Variants in LAMA2 observed in about 807,000 individuals in gnomAD.
LAMA2 encodes the protein laminin subunit alpha 2.
In LAMA2, 269 loss-of-function variants were observed where a neutral mutation model predicts 364.8. The observed-to-expected ratio is 0.74, with a 90% CI of 0.67 to 0.82. The LOEUF (loss-of-function observed/expected upper bound fraction) is 0.82, where lower values mean the gene tolerates loss of function less well. LAMA2 is among the 40% of genes least tolerant of loss of function. The pLI, the probability that LAMA2 is intolerant of heterozygous loss-of-function variation, is 0.00. For synonymous variants in LAMA2, 1,379 were observed against 1,370.6 expected (o/e 1.01, Z -0.14); for missense variants, 3,807 against 3,873.2 (o/e 0.98, Z 0.45).
intron 54 of LAMA2, among the ~76,000 whole-genome samples, chr6:129,479,312 C>T (rs941831283): frequency 1.3e-5 from 2 of 152,114 alleles, no homozygotes; most frequent in Non-Finnish European, 2.9e-5. Context: ...TAGACTGGGA[C>T]CTGTGGCAAT....
intron 1 of LAMA2, among the ~76,000 whole-genome samples, chr6:129,022,957 G>C (rs1036630416): frequency 2.0e-5 from 3 of 152,000 alleles, no homozygotes; most frequent in African/African-American, 7.3e-5. Context: ...GTTATATCAG[G>C]GCCCCACTCC....
intron 29 of LAMA2, among the ~76,000 whole-genome samples, chr6:129,331,828 C>G (rs1482993632): frequency 2.0e-5 from 3 of 152,140 alleles, no homozygotes; most frequent in Non-Finnish European, 4.4e-5. Context: ...CTCTTCTATA[C>G]TGGATTCAAT....
intron 2 of LAMA2, among the ~76,000 whole-genome samples, chr6:129,054,495 C>T (rs1331451404): frequency 2.6e-5 from 4 of 151,930 alleles, no homozygotes; most frequent in Admixed American, 6.6e-5. Context: ...GGGGCATGAA[C>T]GGAGTTGTGG....
intron 1 of LAMA2, among the ~76,000 whole-genome samples, chr6:129,027,788 A>G (rs1156542124): frequency 1.3e-5 from 2 of 151,938 alleles, no homozygotes; most frequent in Non-Finnish European, 2.9e-5. Context: ...AGAGTGAGAT[A>G]AGGAAATAAT....
At chr6:129,201,746 A>T (rs541672846) in intron 12 of LAMA2, among the ~76,000 whole-genome samples, 27 of 152,338 alleles carry the variant, frequency 1.8e-4, no homozygotes, top group African/African-American at 6.5e-4. Flanking sequence ...ACTACCAGGT[A>T]CATAAACAAG....
At chr6:128,917,661 CTT>C (rs1392177570) in intron 1 of LAMA2, among the ~76,000 whole-genome samples, 3 of 146,620 alleles carry the variant, frequency 2.0e-5, no homozygotes, top group African/African-American at 7.6e-5. Flanking sequence ...AACTTTTTCT[CTT>C]TATTTTATAC....
intron 35 of LAMA2, among the ~76,000 whole-genome samples, chr6:129,385,353 G>A (rs1466333305): frequency 6.6e-6 from 1 of 150,676 alleles, no homozygotes; most frequent in African/African-American, 2.4e-5. Flanking sequence ...AAGAAAGGGA[G>A]GGACGGAAGG....
At chr6:129,493,590 A>C (rs1045290387) in intron 58 of LAMA2, among the ~76,000 whole-genome samples, 5 of 152,220 alleles carry the variant, frequency 3.3e-5, no homozygotes, top group Non-Finnish European at 5.9e-5. Flanking sequence ...AATGACTCAC[A>C]TATACTGAAC....
At chr6:129,157,658 G>C (rs1779194650) in intron 8 of LAMA2, 3 of 1,612,230 alleles carry the variant, frequency 1.9e-6, no homozygotes, top group Non-Finnish European at 2.5e-6. Context: ...ATTCATCACT[G>C]TTCCACCGAT....
At chr6:128,890,595 T>C (rs1776397800) in intron 1 of LAMA2, among the ~76,000 whole-genome samples, 1 of 151,750 alleles carries the variant, frequency 6.6e-6, no homozygotes, top group African/African-American at 2.4e-5. Flanking sequence ...TGTAGACATA[T>C]ACACACATGT....
At chr6:129,393,020 A>G (rs766716707) in intron 36 of LAMA2, 25 bp from the exon 37 acceptor site, 10 of 1,594,906 alleles carry the variant, frequency 6.3e-6, no homozygotes, top group East Asian at 4.5e-5. Flanking sequence ...CTCATTGTCT[A>G]TTATTGGGCT....
intron 4 of LAMA2, among the ~76,000 whole-genome samples, chr6:129,132,315 C>T (rs1272106266): frequency 3.9e-5 from 6 of 152,000 alleles, no homozygotes; most frequent in African/African-American, 7.3e-5. Context: ...TACAGGCGCC[C>T]GCCACCACGC....
chr6:129,352,468 C>T lies in LAMA2; in HGVS notation c.4524-696C>T, dbSNP rs77596163. 8.9e-3 allele frequency among the ~76,000 whole-genome samples: 1,351 copies of T among 152,204 alleles called. 21 individuals are homozygous for T. Among genetic ancestry groups the T allele is most frequent in the African/African-American group, 0.031 (1,299 of 41,522 alleles). ...AAAATCCATCTTGAGGAAGATATGG[C>T]AAAAAGAAAAGATGAATAAAAGTAA... On this transcript the variant is annotated intron_variant, in intron 31 of 64. Transcript: ENST00000421865.
chr6:129,188,826 C>A (rs2115031652), intron 10 of LAMA2, among the ~76,000 whole-genome samples: 1 of 152,012 alleles, frequency 6.6e-6, no homozygotes, highest in Admixed American at 6.6e-5. Context: ...TTTGTTTATT[C>A]TTAAATTTTT....
intron 53 of LAMA2, among the ~76,000 whole-genome samples, chr6:129,477,734 G>C (rs1784140909): frequency 6.6e-6 from 1 of 152,078 alleles, no homozygotes; most frequent in African/African-American, 2.4e-5. Context: ...TTCTAATGTA[G>C]AATACAGACT....
chr6:129,464,144 T>C, intron 49 of LAMA2, 146 bp from the exon 50 acceptor site: 2 of 732,952 alleles, frequency 2.7e-6, no homozygotes, highest in Non-Finnish European at 4.8e-6. Context: ...GCAGTAGAGA[T>C]GGAGATAAGT....
intron 35 of LAMA2, among the ~76,000 whole-genome samples, chr6:129,387,515 G>A (rs2114663968): frequency 6.6e-6 from 1 of 152,262 alleles, no homozygotes. Context: ...CAAGGATCCA[G>A]AACCAGAAAT....
At chr6:128,926,768 C>A (rs1779126673) in intron 1 of LAMA2, among the ~76,000 whole-genome samples, 1 of 152,108 alleles carries the variant, frequency 6.6e-6, no homozygotes. Context: ...ACCACTTTTC[C>A]AATTAGGAAT....
Position 129,125,467 on chromosome 6 carries a change from A to G in LAMA2, c.640-18434A>G, listed in dbSNP as rs1777058537. Among the ~76,000 whole-genome samples, 2 of 152,208 alleles carry G rather than the reference A, an allele frequency of 1.3e-5. 1 individual carries two copies. The highest frequency in any genetic ancestry group is 4.1e-4 in the South Asian group (2 of 4,834). ...TAAGGAACATCTACCTTTAGAGGTCAGAGAGATGAAGTAGAGCTTGTAAAA... is the reference window on the plus strand; with the variant it reads ...TAAGGAACATCTACCTTTAGAGGTCGGAGAGATGAAGTAGAGCTTGTAAAA... On this transcript the variant is annotated intron_variant, in intron 4 of 64. Coordinates refer to ENST00000421865, the MANE Select transcript of LAMA2 (RefSeq NM_000426.4).
Sources: allele counts gnomAD v4.1 joint callset (sites outside exome capture counted in the v4.1 genomes callset), GRCh38; gene constraint gnomAD v4.1.1; transcripts MANE v1.5; gene names NCBI Gene and HGNC (gene_info 2026-07-23, HGNC 2026-07-21).